Variants in MOBP observed in about 807,000 individuals in gnomAD.
The protein encoded by MOBP is myelin-associated oligodendrocyte basic protein.
Under a neutral mutation model 15.0 loss-of-function variants are expected in MOBP, and 5 were observed. The ratio of observed to expected loss-of-function variants is 0.33; its 90% CI spans 0.17 to 0.70. The LOEUF (loss-of-function observed/expected upper bound fraction) is 0.70, where lower values mean the gene tolerates loss of function less well. Among genes scored for constraint, MOBP ranks in the 30% least tolerant of loss-of-function variants. The pLI is 0.67. For synonymous variants in MOBP, 88 were observed against 99.0 expected (o/e 0.89, Z 0.66); for missense variants, 188 against 257.8 (o/e 0.73, Z 1.85).
downstream of MOBP, chr3:39,526,775 T>TG (rs1430154651): frequency 1.6e-4 from 22 of 141,894 alleles, no homozygotes; most frequent in African/African-American, 5.4e-4. Context: ...CTTCCTTCCT[T>TG]TTTTTTTTTT....
rs1039723161 is a variant in MOBP at position 39,489,534 on chromosome 3, C to T, written c.-5+9411C>T. Among the ~76,000 whole-genome samples the T allele has an allele frequency of 7.2e-5, 11 of 152,178 alleles. No individual in the cohort carries two copies. In the South Asian group the frequency reaches 1.0e-3, roughly 14 times the overall value. On this transcript the variant is annotated intron_variant, in intron 2 of 3. Transcript: ENST00000684792. ...GACTGATATCATCTGCCTTTCCTGTCAGTGGGATCTATTGTGGTCATAAAT... is the reference window on the plus strand; with the variant it reads ...GACTGATATCATCTGCCTTTCCTGTTAGTGGGATCTATTGTGGTCATAAAT...
At chr3:39,479,980 G>A (rs1336537334) in intron 1 of MOBP, 60 bp from the exon 2 acceptor site, 1 of 149,690 alleles carries the variant, frequency 6.7e-6, no homozygotes, top group African/African-American at 2.5e-5. Flanking sequence ...TGAATTAACT[G>A]CAACCTGAGA....
chr3:39,495,938 A>G (rs1377594212), intron 2 of MOBP, among the ~76,000 whole-genome samples: 1 of 151,970 alleles, frequency 6.6e-6, no homozygotes, highest in Non-Finnish European at 1.5e-5. Flanking sequence ...TATAGAATAT[A>G]AACTATAGAG....
intron 2 of MOBP, among the ~76,000 whole-genome samples, chr3:39,484,782 T>TG (rs1483822100): frequency 6.6e-6 from 1 of 152,200 alleles, no homozygotes; most frequent in East Asian, 1.9e-4. Context: ...ATAACAACCG[T>TG]AGGTCACACC....
chr3:39,502,014 T>G lies in MOBP; in HGVS notation c.-4-52T>G. 6.6e-7 allele frequency: 1 copy of G among 1,505,184 alleles called. No individual in the cohort carries two copies. Among genetic ancestry groups the G allele is most frequent in the South Asian group, 1.1e-5 (1 of 88,314 alleles). 93.2% of individuals were successfully genotyped at this position (1,505,184 alleles called of 1,614,324 possible). On this transcript the variant is annotated intron_variant, in intron 2 of 3. Transcript: ENST00000684792. This position sits in a 1 kb window ranked among gnomAD's most constrained non-coding sequence, Gnocchi z 6.3. The stretch of plus-strand genomic sequence containing the variant: ...GGCTTCCAGAGTAGAGGGCTCCCTT[T>G]CCTGATGTGCGTTTATGTCTCCTCC...
At chr3:39,489,085 T>C (rs1322237091) in intron 2 of MOBP, among the ~76,000 whole-genome samples, 2 of 152,224 alleles carry the variant, frequency 1.3e-5, no homozygotes, top group Non-Finnish European at 2.9e-5. Flanking sequence ...CACTCTGTTC[T>C]CTGGTTTCTT....
At chr3:39,471,706 C>T (rs2042472634) in intron 1 of MOBP, among the ~76,000 whole-genome samples, 1 of 152,190 alleles carries the variant, frequency 6.6e-6, no homozygotes, top group Admixed American at 6.5e-5. Context: ...TGCCGGCATG[C>T]CCCTCCTGCA....
intron 3 of MOBP, among the ~76,000 whole-genome samples, chr3:39,523,457 A>G (rs894995566): frequency 6.6e-6 from 1 of 152,228 alleles, no homozygotes; most frequent in East Asian, 1.9e-4. Flanking sequence ...TCAGAATTGC[A>G]TTGGATCTGG....
At chr3:39,513,535 A>C in exon 5 of MOBP, 3 of 1,083,052 alleles carry the variant, frequency 2.8e-6, no homozygotes, top group Non-Finnish European at 4.1e-6. Flanking sequence ...AGGGGCAAAC[A>C]CCTGCTGATG....
At chr3:39,494,787 C>CA in intron 2 of MOBP, among the ~76,000 whole-genome samples, 1 of 82,674 alleles carries the variant, frequency 1.2e-5, no homozygotes, top group Non-Finnish European at 2.3e-5. Context: ...TCAAAGCCCC[C>CA]CCCCGCCCCC....
At chr3:39,501,951 C>A in intron 2 of MOBP, 115 bp from the exon 3 acceptor site, 1 of 818,468 alleles carries the variant, frequency 1.2e-6, no homozygotes, top group South Asian at 1.7e-5. Flanking sequence ...TCTGTAGGGC[C>A]CCCCTGAATG....
chr3:39,491,415 T>G (rs1609646), intron 2 of MOBP, among the ~76,000 whole-genome samples: 1 of 152,110 alleles, frequency 6.6e-6, no homozygotes, highest in Non-Finnish European at 1.5e-5. Flanking sequence ...GAATAAATGT[T>G]ATGAACTTGG....
In MOBP at chr3:39,469,232, ATGTG is replaced by A. The variant is rs72014027; in HGVS notation, c.-89+1498_-89+1501del. Reference sequence around the variant, plus strand: ...TGTGTGTGTATATACATATATACATATGTGTGTGTATATATACATATATGTGTGT... The same window carrying A: ...TGTGTGTGTATATACATATATACATATGTGTATATATACATATATGTGTGT... On this transcript the variant is annotated intron_variant, in intron 1 of 3. Coordinates refer to ENST00000684792, the MANE Select transcript of MOBP (RefSeq NM_001393704.1). Among the ~76,000 whole-genome samples the A allele has an allele frequency of 3.4e-5, 3 of 89,498 alleles. 1 individual carries two copies. The highest frequency in any genetic ancestry group is 4.8e-4 in the East Asian group (2 of 4,192). 58.7% of individuals were successfully genotyped at this position (89,498 alleles called of 152,430 possible).
intron 1 of MOBP, among the ~76,000 whole-genome samples, chr3:39,477,008 C>T (rs1426190024): frequency 6.6e-6 from 1 of 151,882 alleles, no homozygotes; most frequent in Non-Finnish European, 1.5e-5. Context: ...ACCAGAGACA[C>T]TCTGACCCAG....
intron 2 of MOBP, among the ~76,000 whole-genome samples, chr3:39,496,545 C>G (rs2042886214): frequency 6.6e-6 from 1 of 151,514 alleles, no homozygotes. Flanking sequence ...GTTGCCCAGG[C>G]TGGAGTGCAG....
downstream of MOBP, chr3:39,526,460 T>G (rs2043324895): frequency 6.6e-6 from 1 of 152,208 alleles, no homozygotes; most frequent in Non-Finnish European, 1.5e-5. Flanking sequence ...GTTATATTTT[T>G]TATCTTTTAA....
At chr3:39,514,962 G>T (rs1297158847) in exon 5 of MOBP, 1 of 119,042 alleles carries the variant, frequency 8.4e-6, no homozygotes, top group African/African-American at 3.3e-5. Context: ...GGACTGGTGT[G>T]TGCGTGTGTG....
downstream of MOBP, among the ~76,000 whole-genome samples, chr3:39,520,576 G>GTGTGTGTGT (rs1559430962): frequency 4.3e-3 from 403 of 93,176 alleles, 1 homozygote; most frequent in African/African-American, 0.017. Context: ...GTGTGTGTAT[G>GTGTGTGTGT]AGAGAGAGAG....
At chr3:39,469,197 CATATATACATGTGTGTGT>C (rs2042425697) in intron 1 of MOBP, among the ~76,000 whole-genome samples, 1 of 85,632 alleles carries the variant, frequency 1.2e-5, no homozygotes, top group African/African-American at 5.8e-5. Context: ...TGTGTATATA[CATATATACATGTGTGTGT>C]ATATACATAT....
Sources: allele counts gnomAD v4.1 joint callset (sites outside exome capture counted in the v4.1 genomes callset), GRCh38; gene constraint gnomAD v4.1.1; non-coding constraint Gnocchi (gnomAD v3.1); transcripts MANE v1.5; gene names NCBI Gene and HGNC (gene_info 2026-07-23, HGNC 2026-07-21).